STYXL2: variants seen among roughly 807,000 people sequenced by gnomAD.
STYXL2 encodes serine/threonine/tyrosine-interacting-like protein 2.
A neutral mutation model predicts 52.4 loss-of-function variants in STYXL2; 44 were observed. The observed-to-expected ratio is 0.84, with a 90% CI of 0.66 to 1.08. The LOEUF (loss-of-function observed/expected upper bound fraction) is 1.08, where lower values mean the gene tolerates loss of function less well. Among genes scored for constraint, STYXL2 ranks in the 50% least tolerant of loss-of-function variants. The pLI is 0.00. For synonymous variants in STYXL2, 604 were observed against 586.9 expected, an observed-to-expected ratio of 1.03 and a Z score of -0.42; for missense variants, 1,604 against 1,471.7, an observed-to-expected ratio of 1.09 and a Z score of -1.47.
chr1:167,126,283 C>T lies in STYXL2; in HGVS notation c.1152C>T (p.Leu384=), dbSNP rs1423369595. 2.0e-5 allele frequency: 30 copies of T among 1,528,978 alleles called. 1 individual carries two copies. In the East Asian group the frequency reaches 6.1e-4, roughly 31 times the overall value. The allele number at this position is 1,528,978 out of a possible 1,614,324, so 94.7% of individuals were successfully genotyped here. The part of the protein sequence containing the change: ...SASSGQGGEE[L]EDEDVERIIQ... ...CCTCTGGCCAGGGTGGGGAGGAGCT[C>T]GAGGACGAGGACGTGGAGAGGATCA... The change falls in exon 6 of 6, where the codon CTC becomes CTT. Residue 384 remains leucine, a synonymous_variant. Coordinates refer to ENST00000361200, the MANE Select transcript of STYXL2 (RefSeq NM_001080426.3).
rs879125277 is a variant in STYXL2, at chr1:167,119,355, C to T, written c.544C>T (p.Leu182=). The change falls in exon 5 of 6, where the codon CTG becomes TTG. Residue 182 remains leucine, a synonymous_variant. Transcript: ENST00000361200. ...CACTGGCCCCGAATTCTACACTGGC[C>T]TGGAGATCCAGTACCTGGGTGTAGA... ...VYTGPEFYTG[L]EIQYLGVEVD... is the part of the protein sequence containing the mutation. 2 of 1,614,208 alleles carry T rather than the reference C, an allele frequency of 1.2e-6. No homozygotes were observed. Among genetic ancestry groups the T allele is most frequent in the South Asian group, 1.1e-5 (1 of 91,090 alleles).
At chr1:167,124,027 C>T (rs188498657) in intron 5 of STYXL2, among the ~76,000 whole-genome samples, 202 of 152,330 alleles carry the variant, frequency 1.3e-3, no homozygotes, top group African/African-American at 4.7e-3. Context: ...AAGTGATCCT[C>T]CCACCTCAGC....
intron 5 of STYXL2, among the ~76,000 whole-genome samples, chr1:167,119,693 A>T (rs1204699410): frequency 6.6e-6 from 1 of 152,258 alleles, no homozygotes. Flanking sequence ...TGAAAGACAC[A>T]GGCAACGCTT....
intron 5 of STYXL2, among the ~76,000 whole-genome samples, chr1:167,124,966 C>A (rs267744): frequency 1.3e-5 from 2 of 148,616 alleles, no homozygotes; most frequent in South Asian, 2.1e-4. Context: ...AAAAAAAAAA[C>A]CCTGATAAAT....
intron 3 of STYXL2, among the ~76,000 whole-genome samples, chr1:167,114,804 C>T (rs947416989): frequency 6.6e-6 from 1 of 151,990 alleles, no homozygotes; most frequent in African/African-American, 2.4e-5. Context: ...TTGTCTTGCT[C>T]CAAGATATCT....
At chr1:167,095,336 G>T (rs1667262212) in intron 2 of STYXL2, among the ~76,000 whole-genome samples, 1 of 151,482 alleles carries the variant, frequency 6.6e-6, no homozygotes, top group African/African-American at 2.4e-5. Context: ...TGGATATGGG[G>T]ATGACAGGCC....
intron 2 of STYXL2, among the ~76,000 whole-genome samples, chr1:167,112,433 C>T (rs1163831303): frequency 6.6e-6 from 1 of 152,234 alleles, no homozygotes; most frequent in Non-Finnish European, 1.5e-5. Context: ...CTTGTCTCAG[C>T]TCAAGTTAGC....
chr1:167,107,427 A>G (rs974123294), intron 2 of STYXL2, among the ~76,000 whole-genome samples: 1 of 152,182 alleles, frequency 6.6e-6, no homozygotes, highest in Non-Finnish European at 1.5e-5. Flanking sequence ...AAAATTACTA[A>G]TTGCTAACAT....
chr1:167,117,714 G>T (rs1003131358), intron 4 of STYXL2, among the ~76,000 whole-genome samples, 155 bp downstream of exon 4: 2 of 152,130 alleles, frequency 1.3e-5, no homozygotes, highest in African/African-American at 4.8e-5. Flanking sequence ...CCAGAGAAAG[G>T]CCCCTCCATC....
rs764839180 is a variant in STYXL2 at position 167,126,913 on chromosome 1, G to A, written c.1782G>A (p.Leu594=). ...TGACAGCCTACCAGGCCTGGAAGCT[G>A]AAACACCAGAAGAAGGTGGGCAGTG... ...VSLTAYQAWK[L]KHQKKVGSEN... Residue 594 remains leucine, a synonymous_variant, in exon 6 of 6, where the codon CTG becomes CTA. Transcript: ENST00000361200. The A allele has an allele frequency of 3.1e-6, 5 of 1,611,702 alleles. No homozygotes were observed. The African/African-American group carries it at 6.7e-5, about 22-fold the overall frequency.
At chr1:167,119,866 G>A (rs774979014) in intron 5 of STYXL2, among the ~76,000 whole-genome samples, 2 of 152,184 alleles carry the variant, frequency 1.3e-5, no homozygotes, top group Non-Finnish European at 2.9e-5. Context: ...CTGACAATGG[G>A]ACATTTAAGC....
chr1:167,127,240 C>T lies in STYXL2; in HGVS notation c.2109C>T (p.Pro703=). 1 of 1,614,198 alleles carries T rather than the reference C, an allele frequency of 6.2e-7. No homozygotes were observed. Among genetic ancestry groups the T allele is most frequent in the Non-Finnish European group, 8.5e-7 (1 of 1,180,020 alleles). ...TAGCGGGGTGTTCAACCTCCAACCC[C>T]ACCACACCCCTGCCTAACCTGCCAG... ...SNIAGCSTSN[P]TTPLPNLPVG... Residue 703 remains proline, a synonymous_variant, in exon 6 of 6, where the codon CCC becomes CCT. Coordinates refer to ENST00000361200, the MANE Select transcript of STYXL2 (RefSeq NM_001080426.3).
chr1:167,104,383 A>G (rs1394486729), intron 2 of STYXL2, among the ~76,000 whole-genome samples: 2 of 152,100 alleles, frequency 1.3e-5, no homozygotes, highest in Non-Finnish European at 2.9e-5. Flanking sequence ...CTGCTTGGTA[A>G]GGCTCGATCA....
chr1:167,124,946 T>TAAAA (rs10531474), intron 5 of STYXL2, among the ~76,000 whole-genome samples: 2 of 129,698 alleles, frequency 1.5e-5, no homozygotes, highest in Non-Finnish European at 3.3e-5. Context: ...TACAAACTCC[T>TAAAA]AAAAAAAAAA....
At position 167,128,868 on chromosome 1, in the gene STYXL2, C is replaced by A; in HGVS notation, c.*260C>A. On this transcript the variant is annotated 3_prime_UTR_variant, in exon 6 of 6. Transcript: ENST00000361200. ...TTTCTGTTGCTCAGCGCCCTCTAAG[C>A]TTTGGTGTTTCACTTAATGTATTTG... The A allele has an allele frequency of 2.1e-6, 1 of 470,838 alleles. No individual in the cohort carries two copies. The highest frequency in any genetic ancestry group is 3.7e-6 in the Non-Finnish European group (1 of 267,626). The allele number at this position is 470,838 out of a possible 1,614,324, so 29.2% of individuals were successfully genotyped here. A position where few individuals can be genotyped will look rare whatever the true frequency, so the allele number is the denominator to read the frequency against.
chr1:167,127,318 T>A lies in STYXL2; in HGVS notation c.2187T>A (p.Asn729Lys), dbSNP rs1667996884. Residue 729 changes from asparagine to lysine, a missense_variant, in exon 6 of 6, where the codon AAT becomes AAA. Physicochemically the swap from Asn to Lys is moderately conservative, Grantham distance 94. Transcript: ENST00000361200. ...SIASIQNWIA[N>K]VVSETLAQKQ... Reference sequence around the variant, plus strand: ...CCAGTATCCAGAACTGGATTGCCAATGTAGTCAGTGAGACCCTTGCTCAGA... The same window carrying A: ...CCAGTATCCAGAACTGGATTGCCAAAGTAGTCAGTGAGACCCTTGCTCAGA... 1 of 1,614,058 alleles carries A rather than the reference T, an allele frequency of 6.2e-7. No homozygotes were observed. The highest frequency in any genetic ancestry group is 1.7e-5 in the Admixed American group (1 of 60,002).
At position 167,117,457 on chromosome 1, in the gene STYXL2, C is replaced by T. The variant is rs371621251; in HGVS notation, c.335C>T (p.Thr112Met). ...EKMDDTSLYN[T>M]PCVLDLQRAL... ...ATGGATGACACCAGCCTCTATAATA[C>T]GCCCTGTGTCCTGGACCTACAGCGG... The change falls in exon 4 of 6, where the codon ACG (threonine) becomes ATG (methionine). Residue 112 changes from threonine (T) to methionine (M), a missense_variant. Coordinates refer to ENST00000361200, the MANE Select transcript of STYXL2 (RefSeq NM_001080426.3). 66 of 1,612,492 alleles carry T rather than the reference C, an allele frequency of 4.1e-5. No individual in the cohort carries two copies. Among genetic ancestry groups the T allele is most frequent in the Admixed American group, 2.0e-4 (12 of 59,854 alleles).
chr1:167,097,002 A>G (rs1667299951), intron 2 of STYXL2, among the ~76,000 whole-genome samples: 2 of 152,218 alleles, frequency 1.3e-5, no homozygotes. Context: ...CATTTTATAA[A>G]AGGAGGAAGA....
At chr1:167,100,558 A>G (rs1558017783) in intron 2 of STYXL2, among the ~76,000 whole-genome samples, 2 of 152,208 alleles carry the variant, frequency 1.3e-5, no homozygotes, top group Non-Finnish European at 2.9e-5. Flanking sequence ...GCCTACCACA[A>G]GACAAAAGCA....
Sources: allele counts gnomAD v4.1 joint callset (sites outside exome capture counted in the v4.1 genomes callset), GRCh38; gene constraint gnomAD v4.1.1; transcripts MANE v1.5; gene names NCBI Gene and HGNC (gene_info 2026-07-23, HGNC 2026-07-21).